CHCHD6: variants seen among roughly 807,000 people sequenced by gnomAD.
CHCHD6 encodes the protein coiled-coil-helix-coiled-coil-helix domain containing 6, also known as MICOS complex subunit MIC25.
Under a neutral mutation model 32.3 loss-of-function variants are expected in CHCHD6, and 28 were observed. That is an observed-to-expected ratio of 0.87 (90% CI 0.64 to 1.19). The LOEUF is 1.19. CHCHD6 is among the 50% of genes most tolerant of loss of function. The probability of loss-of-function intolerance (pLI) is 0.00; values close to 1 mark genes in which losing one functional copy is unlikely to be tolerated. For synonymous variants in CHCHD6, 122 were observed against 117.5 expected (o/e 1.04, Z -0.25); for missense variants, 333 against 307.0 (o/e 1.08, Z -0.63).
chr3:126,727,203 A>T lies in CHCHD6; in HGVS notation c.196+17A>T. The T allele has an allele frequency of 6.5e-7, 1 of 1,535,432 alleles. No individual in the cohort carries two copies. Among genetic ancestry groups the T allele is most frequent in the African/African-American group, 1.4e-5 (1 of 73,376 alleles). On this transcript the variant is annotated intron_variant, in intron 2 of 7. Coordinates refer to ENST00000290913, the MANE Select transcript of CHCHD6 (RefSeq NM_032343.3). The stretch of plus-strand genomic sequence containing the variant: ...CTCACAAAGGTATGGGGATTGTGAC[A>T]GTTCTGTGGAGTGTGGAGAGACAGT...
intron 6 of CHCHD6, chr3:126,949,412 T>C (rs1576641041): frequency 4.3e-6 from 1 of 231,072 alleles, no homozygotes; most frequent in Admixed American, 6.0e-5. Flanking sequence ...CACCAACAGG[T>C]CTGCCGTGGA....
chr3:126,922,135 A>G (rs571123982), intron 6 of CHCHD6, among the ~76,000 whole-genome samples: 1 of 152,370 alleles, frequency 6.6e-6, no homozygotes, highest in African/African-American at 2.4e-5. Flanking sequence ...AGTTTGATAC[A>G]TTCATTTAAC....
At chr3:126,946,829 GC>G (rs1383580738) in intron 6 of CHCHD6, among the ~76,000 whole-genome samples, 2 of 152,186 alleles carry the variant, frequency 1.3e-5, no homozygotes, top group Non-Finnish European at 2.9e-5. Flanking sequence ...GTAATAAAAA[GC>G]CTGCTCCATG....
At chr3:126,780,067 C>T (rs1306048218) in intron 4 of CHCHD6, among the ~76,000 whole-genome samples, 2 of 152,288 alleles carry the variant, frequency 1.3e-5, no homozygotes, top group South Asian at 2.1e-4. Context: ...GTAAGCAAAT[C>T]GTATAGTGAT....
intron 1 of CHCHD6, among the ~76,000 whole-genome samples, chr3:126,719,312 T>A (rs1329711801): frequency 2.0e-5 from 3 of 152,238 alleles, no homozygotes; most frequent in Non-Finnish European, 4.4e-5. Context: ...TGGTTGAGCA[T>A]CTCATCGCTG....
intron 4 of CHCHD6, among the ~76,000 whole-genome samples, chr3:126,773,850 C>T (rs1249843642): frequency 6.6e-6 from 1 of 152,100 alleles, no homozygotes; most frequent in African/African-American, 2.4e-5. Context: ...AGGCAATCCT[C>T]CTGCCTCGGC....
chr3:126,734,537 C>G (rs1172394653), intron 4 of CHCHD6, among the ~76,000 whole-genome samples: 1 of 152,196 alleles, frequency 6.6e-6, no homozygotes, highest in Non-Finnish European at 1.5e-5. Context: ...GTGCAGTAGG[C>G]ACATAAATGC....
intron 4 of CHCHD6, among the ~76,000 whole-genome samples, chr3:126,735,708 C>T (rs368947622): frequency 4.6e-5 from 7 of 152,180 alleles, no homozygotes; most frequent in Admixed American, 3.3e-4. Context: ...CAGTCAGCCC[C>T]TTCATGCTAT....
chr3:126,815,872 C>T (rs1364976903), intron 4 of CHCHD6, among the ~76,000 whole-genome samples: 1 of 152,208 alleles, frequency 6.6e-6, no homozygotes, highest in African/African-American at 2.4e-5. Context: ...GGAAGAGACG[C>T]TCACCTCTGC....
intron 6 of CHCHD6, among the ~76,000 whole-genome samples, chr3:126,952,432 G>T (rs1408395736): frequency 1.3e-5 from 2 of 152,208 alleles, no homozygotes; most frequent in African/African-American, 4.8e-5. Flanking sequence ...TCTTGAGCTG[G>T]GCACCATGCT....
chr3:126,824,685 C>G (rs1032509319), intron 4 of CHCHD6, among the ~76,000 whole-genome samples: 3 of 150,936 alleles, frequency 2.0e-5, no homozygotes, highest in Non-Finnish European at 4.4e-5. Flanking sequence ...CTTACAGGTT[C>G]AATTGATTCT....
In CHCHD6 at chr3:126,841,501, T is replaced by C. The variant is rs561697315; in HGVS notation, c.412-11146T>C. Among the ~76,000 whole-genome samples the C allele has an allele frequency of 2.4e-3, 367 of 152,230 alleles. 4 individuals are homozygous for C. Among genetic ancestry groups the C allele is most frequent in the Non-Finnish European group, 4.8e-3 (328 of 68,012 alleles). ...CATTATCATTAATCTAAAGTAAGGG[T>C]TGTGAGGAACATAATTTAGACCCAT... On this transcript the variant is annotated intron_variant, in intron 4 of 7. Transcript: ENST00000290913.
chr3:126,866,728 T>G (rs1019687695), intron 5 of CHCHD6, among the ~76,000 whole-genome samples: 1 of 152,254 alleles, frequency 6.6e-6, no homozygotes, highest in Non-Finnish European at 1.5e-5. Flanking sequence ...CCAGACTTAA[T>G]GATTTTGTCA....
chr3:126,831,767 A>T (rs1336139690), intron 4 of CHCHD6, among the ~76,000 whole-genome samples: 4 of 152,194 alleles, frequency 2.6e-5, no homozygotes, highest in Non-Finnish European at 5.9e-5. Flanking sequence ...GAAGAAGGGA[A>T]AACTCAAGCC....
intron 1 of CHCHD6, among the ~76,000 whole-genome samples, chr3:126,709,249 T>G (rs1220134304): frequency 2.0e-5 from 3 of 152,252 alleles, no homozygotes; most frequent in Non-Finnish European, 2.9e-5. Context: ...ATTTCTGGCT[T>G]CTTTCACTGA....
intron 4 of CHCHD6, among the ~76,000 whole-genome samples, chr3:126,786,469 C>T (rs553821649): frequency 0.029 from 4,425 of 152,256 alleles, 95 homozygotes; most frequent in Non-Finnish European, 0.039. Flanking sequence ...TCCTATTTCT[C>T]CACATCCTCT....
chr3:126,824,560 C>CAAAAAAAAAAAAAA lies in CHCHD6; in HGVS notation c.412-28079_412-28066dup, dbSNP rs71150454. Among the ~76,000 whole-genome samples the CAAAAAAAAAAAAAA allele has an allele frequency of 1.5e-3, 60 of 39,994 alleles. 4 individuals are homozygous for CAAAAAAAAAAAAAA. Among genetic ancestry groups the CAAAAAAAAAAAAAA allele is most frequent in the South Asian group, 0.012 (5 of 406 alleles). 26.2% of individuals were successfully genotyped at this position (39,994 alleles called of 152,430 possible). ...TAGGTGATAGAGCAAGACTCTGTCT[C>CAAAAAAAAAAAAAA]AAAAAAAAAAAAAAAAAAAAAGTCA... On this transcript the variant is annotated intron_variant, in intron 4 of 7. Coordinates refer to ENST00000290913, the MANE Select transcript of CHCHD6 (RefSeq NM_032343.3).
chr3:126,764,618 C>T (rs1415484603), intron 4 of CHCHD6, among the ~76,000 whole-genome samples: 1 of 152,192 alleles, frequency 6.6e-6, no homozygotes, highest in Non-Finnish European at 1.5e-5. Context: ...CTAAGTGCAG[C>T]TCCGCCCAGG....
At chr3:126,783,837 A>G (rs914532924) in intron 4 of CHCHD6, among the ~76,000 whole-genome samples, 1 of 151,976 alleles carries the variant, frequency 6.6e-6, no homozygotes, top group African/African-American at 2.4e-5. Context: ...CAGGCCTGCC[A>G]TTTTACGTGG....
Sources: gnomAD v4.1 joint callset for allele counts (sites outside exome capture counted in the v4.1 genomes callset) on GRCh38, gnomAD v4.1.1 for gene constraint, MANE v1.5 for transcripts, NCBI Gene and HGNC (gene_info 2026-07-23, HGNC 2026-07-21) for gene names.